The following SLC6A9 variants were observed in gnomAD, a reference collection of about 807,000 sequenced individuals.
SLC6A9 encodes the protein sodium- and chloride-dependent glycine transporter 1.
SLC6A9 carries 31 observed loss-of-function variants against 70.9 expected under a neutral mutation model. The observed-to-expected ratio is 0.44, with a 90% CI of 0.33 to 0.59. SLC6A9 has a LOEUF of 0.59. Among genes scored for constraint, SLC6A9 ranks in the 20% least tolerant of loss-of-function variants. The probability of loss-of-function intolerance (pLI) is 0.04; values close to 1 mark genes in which losing one functional copy is unlikely to be tolerated. For missense variants in SLC6A9, 631 were observed against 845.2 expected (o/e 0.75, Z 3.14); for synonymous variants, 310 against 341.3 (o/e 0.91, Z 1.01).
rs1557667900 is a variant in SLC6A9, at chr1:44,000,857, G to C, written c.1446C>G (p.Asn482Lys). ...GCATCATCTGGATGTCCTGGAAGTA[G>C]TTCCGGTGCCCTGGAGAGATGGGGG... Reference protein sequence around the residue: ...VAIMYIYGHRNYFQDIQMMLG... With the variant: ...VAIMYIYGHRKYFQDIQMMLG... Residue 482 changes from asparagine to lysine, a missense_variant, in exon 12 of 14, where the codon AAC becomes AAG. By Grantham distance (94) the Asn-to-Lys change is moderately conservative. Coordinates refer to ENST00000372310, the MANE Select transcript of SLC6A9 (RefSeq NM_001024845.3). The C allele has an allele frequency of 1.2e-6, 2 of 1,609,090 alleles. No individual in the cohort carries two copies. The highest frequency in any genetic ancestry group is 1.7e-6 in the Non-Finnish European group (2 of 1,177,462).
intron 2 of SLC6A9, among the ~76,000 whole-genome samples, chr1:44,022,182 G>T (rs969987854): frequency 3.3e-5 from 5 of 152,232 alleles, no homozygotes; most frequent in African/African-American, 1.2e-4. Context: ...CTCAGCTCAG[G>T]CAGGGACTCT....
Position 44,002,595 on chromosome 1 carries a change from C to G in SLC6A9, c.775G>C (p.Val259Leu), listed in dbSNP as rs2086157872. ...GCTCCCTCCAGGGTCACTCCGCGGA[C>G]AAACAGAATGGTCAGCACCACGTAG... ...FPYVVLTILF[V>L]RGVTLEGAFD... Residue 259 changes from valine to leucine, a missense_variant, in exon 7 of 14, where the codon GTC becomes CTC. Coordinates refer to ENST00000372310, the MANE Select transcript of SLC6A9 (RefSeq NM_001024845.3). This position sits in a 1 kb window ranked among gnomAD's most constrained non-coding sequence, Gnocchi z 5.5. 1 of 1,614,100 alleles carries G rather than the reference C, an allele frequency of 6.2e-7. No homozygotes were observed. The highest frequency in any genetic ancestry group is 1.3e-5 in the African/African-American group (1 of 75,008).
chr1:44,020,985 G>T (rs1202999098), intron 2 of SLC6A9, among the ~76,000 whole-genome samples: 1 of 152,204 alleles, frequency 6.6e-6, no homozygotes, highest in Non-Finnish European at 1.5e-5. Context: ...GCTCACCAAG[G>T]CCTGAACTGC....
intron 1 of SLC6A9, among the ~76,000 whole-genome samples, chr1:44,029,845 A>C (rs1011644065): frequency 1.3e-5 from 2 of 152,144 alleles, no homozygotes; most frequent in Non-Finnish European, 2.9e-5. Context: ...CCCTAGAACC[A>C]GTCCCCTCAC....
rs200745497 is a variant in SLC6A9, at chr1:44,011,185, G to C, written c.31-303C>G. 6.6e-5 allele frequency among the ~76,000 whole-genome samples: 10 copies of C among 152,274 alleles called. No homozygotes were observed. The East Asian group carries it at 1.9e-3, about 29-fold the overall frequency. ...ACACTGAAGAGGGAGCTAGGGCCAG[G>C]AGCCCCCAAGCCCCTCCAAAACCTC... On this transcript the variant is annotated intron_variant, in intron 2 of 13. Coordinates refer to ENST00000372310, the MANE Select transcript of SLC6A9 (RefSeq NM_001024845.3).
intron 12 of SLC6A9, among the ~76,000 whole-genome samples, chr1:43,999,291 C>T (rs2086001267): frequency 6.6e-6 from 1 of 151,412 alleles, no homozygotes. Context: ...AAGGAGAGGA[C>T]TCTAGGCTCC....
At chr1:44,004,671 T>C (rs1216323347) in intron 5 of SLC6A9, among the ~76,000 whole-genome samples, 2 of 152,198 alleles carry the variant, frequency 1.3e-5, no homozygotes, top group South Asian at 2.1e-4. Flanking sequence ...TGCAAGAATA[T>C]AGCGTTACAG....
chr1:44,016,043 C>A (rs956221036), intron 2 of SLC6A9, among the ~76,000 whole-genome samples: 2 of 152,230 alleles, frequency 1.3e-5, no homozygotes, highest in Non-Finnish European at 2.9e-5. Context: ...CCCTGACTGG[C>A]AGCAAGGGAC....
chr1:44,017,535 G>A (rs1160475390), intron 2 of SLC6A9, among the ~76,000 whole-genome samples: 1 of 152,228 alleles, frequency 6.6e-6, no homozygotes. Flanking sequence ...GATGAGTGAC[G>A]GGGTCTGCCC....
intron 12 of SLC6A9, among the ~76,000 whole-genome samples, chr1:43,998,229 C>T (rs890978725): frequency 2.0e-5 from 3 of 152,290 alleles, no homozygotes; most frequent in Admixed American, 1.3e-4. Flanking sequence ...GAAGGCTCTG[C>T]GGAAGGGAGA....
chr1:44,004,076 C>T (rs1395135874), intron 5 of SLC6A9, among the ~76,000 whole-genome samples: 1 of 151,926 alleles, frequency 6.6e-6, no homozygotes, highest in Non-Finnish European at 1.5e-5. Flanking sequence ...CTCACTGCAA[C>T]CTCCGTCTCC....
chr1:44,030,148 G>T (rs546094741), intron 1 of SLC6A9, among the ~76,000 whole-genome samples: 2 of 152,212 alleles, frequency 1.3e-5, no homozygotes, highest in East Asian at 1.9e-4. Flanking sequence ...TCCGGCCGGC[G>T]GGCAGGGGCG....
At chr1:44,027,532 G>A (rs1259170495) in intron 1 of SLC6A9, among the ~76,000 whole-genome samples, 3 of 152,200 alleles carry the variant, frequency 2.0e-5, no homozygotes, top group Non-Finnish European at 4.4e-5. Flanking sequence ...TTTAAGGCTG[G>A]CCACAGCTGG....
At chr1:44,020,819 C>T (rs2086867851) in intron 2 of SLC6A9, among the ~76,000 whole-genome samples, 1 of 152,208 alleles carries the variant, frequency 6.6e-6, no homozygotes, top group Non-Finnish European at 1.5e-5. Flanking sequence ...CAGGGTGGGG[C>T]AGCCCCTGGC....
In SLC6A9 at chr1:44,002,234, C is replaced by G; in HGVS notation, c.962+79G>C. 1 of 989,522 alleles carries G rather than the reference C, an allele frequency of 1.0e-6. No homozygotes were observed. The highest frequency in any genetic ancestry group is 1.3e-5 in the South Asian group (1 of 77,558). The allele number at this position is 989,522 out of a possible 1,614,324, so 61.3% of individuals were successfully genotyped here. On this transcript the variant is annotated intron_variant, in intron 8 of 13. Transcript: ENST00000372310. This position sits in a 1 kb window ranked among gnomAD's most constrained non-coding sequence, Gnocchi z 5.5. ...TGAGGGGAAAGGAGGCCTCGTGGGC[C>G]CATGGCTGCACTGGAGCTGAGATCA...
At position 44,010,680 on chromosome 1, in the gene SLC6A9, G is replaced by A. The variant is rs62621784; in HGVS notation, c.187+46C>T. The A allele has an allele frequency of 4.4e-6, 7 of 1,589,318 alleles. No individual in the cohort carries two copies. In the African/African-American group the frequency reaches 8.1e-5, roughly 18 times the overall value. On this transcript the variant is annotated intron_variant, in intron 3 of 13. Coordinates refer to ENST00000372310, the MANE Select transcript of SLC6A9 (RefSeq NM_001024845.3). ...GAGGGTGGCCCAGGCCCTGGTGGGTGGGCTCTACCCAAGTGGGTGGTCCCT... is the reference window on the plus strand; with the variant it reads ...GAGGGTGGCCCAGGCCCTGGTGGGTAGGCTCTACCCAAGTGGGTGGTCCCT...
At chr1:44,030,160 G>A (rs1188992831) in intron 1 of SLC6A9, among the ~76,000 whole-genome samples, 1 of 152,098 alleles carries the variant, frequency 6.6e-6, no homozygotes, top group African/African-American at 2.4e-5. Context: ...GCAGGGGCGC[G>A]GTCGGTCTGG....
At position 44,002,768 on chromosome 1, in the gene SLC6A9, C is replaced by A; in HGVS notation, c.723+85G>T. The A allele has an allele frequency of 6.3e-7, 1 of 1,594,824 alleles. No homozygotes were observed. The highest frequency in any genetic ancestry group is 1.1e-5 in the South Asian group (1 of 90,168). On this transcript the variant is annotated intron_variant, in intron 6 of 13. Coordinates refer to ENST00000372310, the MANE Select transcript of SLC6A9 (RefSeq NM_001024845.3). The surrounding 1 kb of genome is among the most constrained non-coding windows in gnomAD (Gnocchi z 5.5). ...TCCGGCTCCGGAGTCCCTTCAGCAT[C>A]CCCTCCCTGCAATACACACATAACC... is the stretch of plus-strand genomic sequence containing the variant.
chr1:44,002,481 C>T lies in SLC6A9; in HGVS notation c.858+31G>A, dbSNP rs1311579918. The T allele has an allele frequency of 6.2e-7, 1 of 1,613,890 alleles. No homozygotes were observed. The highest frequency in any genetic ancestry group is 1.3e-5 in the African/African-American group (1 of 74,916). On this transcript the variant is annotated intron_variant, in intron 7 of 13. Transcript: ENST00000372310. This position sits in a 1 kb window ranked among gnomAD's most constrained non-coding sequence, Gnocchi z 5.5. ...GGCAGGCACCTCCCTGGCCCCTCCC[C>T]AGCCCCCTTCCGGTTTCCCTCACTT... is the stretch of plus-strand genomic sequence containing the variant.
Sources: allele counts gnomAD v4.1 joint callset (sites outside exome capture counted in the v4.1 genomes callset), GRCh38; gene constraint gnomAD v4.1.1; non-coding constraint Gnocchi (gnomAD v3.1); transcripts MANE v1.5; gene names NCBI Gene and HGNC (gene_info 2026-07-23, HGNC 2026-07-21).